SLC24A2: variants seen among roughly 807,000 people sequenced by gnomAD.
SLC24A2 encodes solute carrier family 24 member 2, also known as sodium/potassium/calcium exchanger 2.
Under a neutral mutation model 62.0 loss-of-function variants are expected in SLC24A2, and 36 were observed. That is an observed-to-expected ratio of 0.58 (90% CI 0.44 to 0.77). The LOEUF is 0.77. Ranked by LOEUF, SLC24A2 falls within the 30% of genes least tolerant of loss-of-function variation. SLC24A2 has a pLI of 0.00. For missense variants in SLC24A2, 846 were observed against 817.9 expected, an observed-to-expected ratio of 1.03 and a Z score of -0.42; for synonymous variants, 358 against 294.0, an observed-to-expected ratio of 1.22 and a Z score of -2.23.
intron 6 of SLC24A2, among the ~76,000 whole-genome samples, chr9:19,573,980 A>T (rs773167635): frequency 6.6e-6 from 1 of 152,232 alleles, no homozygotes; most frequent in Non-Finnish European, 1.5e-5. Context: ...AAAGGATATT[A>T]GCTAGGGCTT....
chr9:19,572,471 G>A (rs984631951), intron 7 of SLC24A2, among the ~76,000 whole-genome samples: 2 of 152,074 alleles, frequency 1.3e-5, no homozygotes, highest in African/African-American at 4.8e-5. Flanking sequence ...TCGTGATACT[G>A]AGTGGGTTCT....
At chr9:19,553,853 C>T (rs1032094003) in intron 7 of SLC24A2, among the ~76,000 whole-genome samples, 1 of 152,222 alleles carries the variant, frequency 6.6e-6, no homozygotes, top group East Asian at 1.9e-4. Context: ...AGTTACAGGG[C>T]TGCTGGCCGG....
At chr9:19,950,373 G>A in the SLC24A2 span, among the ~76,000 whole-genome samples, 1 of 152,176 alleles carries the variant, frequency 6.6e-6, no homozygotes, top group Non-Finnish European at 1.5e-5. Context: ...CAGACTTACA[G>A]ATTTATTATA....
chr9:20,187,661 T>C, the SLC24A2 span, among the ~76,000 whole-genome samples: 1 of 152,236 alleles, frequency 6.6e-6, no homozygotes, highest in African/African-American at 2.4e-5. Flanking sequence ...GAAGACTCTG[T>C]CCAGGGGTCA....
In SLC24A2 at chr9:19,785,969, C is replaced by A. The variant is rs139901121; in HGVS notation, c.898G>T (p.Val300Phe). ...VKQMINRNKVVKVTAPEAQAK... is the reference protein window; with the variant it reads ...VKQMINRNKVFKVTAPEAQAK... ...TGGGCTTCTGGTGCTGTCACCTTGA[C>A]GACCTTATTGCGGTTTATCATTTGC... is the stretch of plus-strand genomic sequence containing the variant. The change falls in exon 2 of 11, where the codon GTC (valine) becomes TTC (phenylalanine). Residue 300 changes from valine (V) to phenylalanine (F), a missense_variant. Val to Phe is a conservative substitution (Grantham distance 50). Transcript: ENST00000341998. 2 of 1,614,092 alleles carry A rather than the reference C, an allele frequency of 1.2e-6. No individual in the cohort carries two copies. Among genetic ancestry groups the A allele is most frequent in the Non-Finnish European group, 1.7e-6 (2 of 1,180,034 alleles).
the SLC24A2 span, among the ~76,000 whole-genome samples, chr9:20,132,685 G>A: frequency 1.3e-5 from 2 of 152,038 alleles, no homozygotes; most frequent in South Asian, 4.2e-4. Flanking sequence ...TTTCACACCT[G>A]TGCAAAGTTT....
the SLC24A2 span, among the ~76,000 whole-genome samples, chr9:19,914,259 A>G: frequency 6.6e-6 from 1 of 152,072 alleles, no homozygotes. Flanking sequence ...ATCTCCCTAC[A>G]CAGCTCATCC....
chr9:20,305,231 C>T, the SLC24A2 span, among the ~76,000 whole-genome samples: 1 of 151,822 alleles, frequency 6.6e-6, no homozygotes, highest in Admixed American at 6.5e-5. Flanking sequence ...CCTCAGCCTC[C>T]TGAGTAGCTG....
At chr9:19,795,808 T>C in the SLC24A2 span, among the ~76,000 whole-genome samples, 1 of 152,258 alleles carries the variant, frequency 6.6e-6, no homozygotes, top group Admixed American at 6.5e-5. Context: ...AGCCACCATT[T>C]ACATCCTATA....
the SLC24A2 span, among the ~76,000 whole-genome samples, chr9:20,285,758 G>C: frequency 6.6e-6 from 1 of 152,162 alleles, no homozygotes; most frequent in Admixed American, 6.6e-5. Context: ...ACGATCATAA[G>C]GGTGGGGCCC....
the SLC24A2 span, among the ~76,000 whole-genome samples, chr9:19,796,782 G>A: frequency 6.6e-6 from 1 of 151,980 alleles, no homozygotes; most frequent in East Asian, 1.9e-4. Flanking sequence ...TTTTTCTTTT[G>A]AGAAGATCTT....
the SLC24A2 span, among the ~76,000 whole-genome samples, chr9:20,030,702 T>A: frequency 6.6e-6 from 1 of 152,192 alleles, no homozygotes; most frequent in Non-Finnish European, 1.5e-5. Context: ...AAATACTACC[T>A]CATTTAATTT....
chr9:19,989,665 TAAG>T, the SLC24A2 span, among the ~76,000 whole-genome samples: 4 of 152,212 alleles, frequency 2.6e-5, no homozygotes, highest in African/African-American at 7.2e-5. Flanking sequence ...CTCTGTCAAC[TAAG>T]AAGAACTTTC....
At chr9:20,009,598 C>T in the SLC24A2 span, among the ~76,000 whole-genome samples, 1 of 152,124 alleles carries the variant, frequency 6.6e-6, no homozygotes, top group Non-Finnish European at 1.5e-5. Context: ...AGTGCTCTCC[C>T]TAAGTCTTCC....
chr9:20,144,711 G>C, the SLC24A2 span, among the ~76,000 whole-genome samples: 1 of 152,032 alleles, frequency 6.6e-6, no homozygotes, highest in African/African-American at 2.4e-5. Flanking sequence ...TTGTCAATCG[G>C]GGTCATTCAA....
intron 2 of SLC24A2, among the ~76,000 whole-genome samples, chr9:19,759,637 T>A (rs1822254475): frequency 6.6e-6 from 1 of 152,224 alleles, no homozygotes; most frequent in Non-Finnish European, 1.5e-5. Context: ...ATACTCTAGT[T>A]GACTTTGGTT....
At chr9:20,274,123 T>G in the SLC24A2 span, among the ~76,000 whole-genome samples, 2 of 152,300 alleles carry the variant, frequency 1.3e-5, no homozygotes, top group Non-Finnish European at 2.9e-5. Context: ...AAGCCAAAGT[T>G]CCTTCTCTCC....
chr9:20,155,135 A>G, the SLC24A2 span, among the ~76,000 whole-genome samples: 2 of 149,934 alleles, frequency 1.3e-5, no homozygotes, highest in Non-Finnish European at 3.0e-5. Context: ...AACTGGAAAA[A>G]AAAAAAGAAA....
At chr9:19,660,491 G>A (rs1265713735) in intron 2 of SLC24A2, among the ~76,000 whole-genome samples, 5 of 152,166 alleles carry the variant, frequency 3.3e-5, no homozygotes, top group Non-Finnish European at 7.3e-5. Flanking sequence ...CAAAATATAG[G>A]AGGGAGGGCA....
Sources: gnomAD v4.1 joint callset for allele counts (sites outside exome capture counted in the v4.1 genomes callset) on GRCh38, gnomAD v4.1.1 for gene constraint, MANE v1.5 for transcripts, NCBI Gene and HGNC (gene_info 2026-07-23, HGNC 2026-07-21) for gene names.